BBOF1: variants seen among roughly 807,000 people sequenced by gnomAD.
BBOF1 encodes basal body orientation factor 1, also known as basal body-orientation factor 1.
In BBOF1, 62 loss-of-function variants were observed where a neutral mutation model predicts 68.0. The observed-to-expected ratio is 0.91, with a 90% CI of 0.74 to 1.13. BBOF1 has a LOEUF of 1.13. Ranked by LOEUF, BBOF1 falls within the 50% of genes most tolerant of loss-of-function variation. The probability of loss-of-function intolerance (pLI) is 0.00; values close to 1 mark genes in which losing one functional copy is unlikely to be tolerated. For missense variants in BBOF1, 534 were observed against 600.1 expected (o/e 0.89, Z 1.15); for synonymous variants, 208 against 198.8 (o/e 1.05, Z -0.39).
At chr14:74,075,580 C>A (rs1468509) in intron 9 of BBOF1, among the ~76,000 whole-genome samples, 8 of 151,492 alleles carry the variant, frequency 5.3e-5, no homozygotes, top group African/African-American at 1.5e-4. Flanking sequence ...TTGCTTCAGC[C>A]CGGGAGGGTG....
chr14:74,064,190 C>T (rs1450607557), intron 11 of BBOF1, among the ~76,000 whole-genome samples: 2 of 144,932 alleles, frequency 1.4e-5, no homozygotes, highest in African/African-American at 5.1e-5. Context: ...CCCAGCTATT[C>T]GGGAGGCTGA....
At chr14:74,047,702 G>T (rs866837314) in intron 6 of BBOF1, among the ~76,000 whole-genome samples, 11 of 152,216 alleles carry the variant, frequency 7.2e-5, no homozygotes, top group Middle Eastern at 3.4e-3. Flanking sequence ...GCCTCTCAAA[G>T]TGCTGGGATT....
intron 3 of BBOF1, among the ~76,000 whole-genome samples, chr14:74,029,537 C>G (rs985411484): frequency 4.6e-5 from 7 of 152,008 alleles, no homozygotes; most frequent in African/African-American, 1.7e-4. Context: ...TAAAAATTAG[C>G]CAGGCATGGT....
At chr14:74,032,717 CTCCTGACCTCGTGA>C (rs1411640737) in intron 3 of BBOF1, among the ~76,000 whole-genome samples, 1 of 151,824 alleles carries the variant, frequency 6.6e-6, no homozygotes, top group Non-Finnish European at 1.5e-5. Flanking sequence ...TGGTCTTGAA[CTCCTGACCTCGTGA>C]TCCACCCGCC....
chr14:74,049,837 G>C lies in BBOF1; in HGVS notation c.928G>C (p.Val310Leu). Reference sequence around the variant, plus strand: ...CATGACCAAAGAGTTTGAGAGTGAAGTTTTAAAACTGCAGCAACACGCAAT... The same window carrying C: ...CATGACCAAAGAGTTTGAGAGTGAACTTTTAAAACTGCAGCAACACGCAAT... ...SYMTKEFESE[V>L]LKLQQHAMIE... The change falls in exon 8 of 12, where the codon GTT becomes CTT. Residue 310 changes from valine to leucine, a missense_variant. Physicochemically the swap from Val to Leu is conservative, Grantham distance 32. Coordinates refer to ENST00000394009, the MANE Select transcript of BBOF1 (RefSeq NM_025057.3). 1 of 1,614,198 alleles carries C rather than the reference G, an allele frequency of 6.2e-7. No individual in the cohort carries two copies. Among genetic ancestry groups the C allele is most frequent in the Non-Finnish European group, 8.5e-7 (1 of 1,180,042 alleles).
At chr14:74,054,855 A>G in intron 8 of BBOF1, 1 of 160,088 alleles carries the variant, frequency 6.2e-6, no homozygotes, top group Non-Finnish European at 1.3e-5. Context: ...ATTTTTGTAT[A>G]TTTAGTAGAG....
downstream of BBOF1, chr14:74,070,702 C>A: frequency 5.5e-6 from 1 of 181,358 alleles, no homozygotes; most frequent in Non-Finnish European, 1.2e-5. Flanking sequence ...TAATTAATTT[C>A]ACTATGTCTC....
chr14:74,072,972 GTATT>G (rs1464274673), intron 9 of BBOF1, among the ~76,000 whole-genome samples: 1 of 152,088 alleles, frequency 6.6e-6, no homozygotes, highest in Non-Finnish European at 1.5e-5. Flanking sequence ...ACTAATTTTT[GTATT>G]TTGAGTAGAG....
At position 74,047,985 on chromosome 14, in the gene BBOF1, G is replaced by T; in HGVS notation, c.703G>T (p.Ala235Ser). 1 of 1,612,926 alleles carries T rather than the reference G, an allele frequency of 6.2e-7. No individual in the cohort carries two copies. The highest frequency in any genetic ancestry group is 8.5e-7 in the Non-Finnish European group (1 of 1,179,452). The part of the protein sequence containing the change: ...VFKENDYLQK[A>S]LAYHLKETDA... The stretch of plus-strand genomic sequence containing the variant: ...TAAAGAGAATGATTATCTTCAGAAA[G>T]CTCTGGCATATCACCTGAAGGAAAC... Residue 235 changes from alanine to serine, a missense_variant, in exon 7 of 12, where the codon GCT becomes TCT. Transcript: ENST00000394009.
chr14:74,042,358 T>G (rs2059841866), intron 5 of BBOF1, among the ~76,000 whole-genome samples: 1 of 152,218 alleles, frequency 6.6e-6, no homozygotes, highest in African/African-American at 2.4e-5. Context: ...CCTCTCCTAT[T>G]CCACCCTAAT....
downstream of BBOF1, among the ~76,000 whole-genome samples, chr14:74,070,052 G>A (rs2060527909): frequency 6.6e-6 from 1 of 151,612 alleles, no homozygotes; most frequent in East Asian, 2.0e-4. Context: ...CATGGCCCAG[G>A]CTGGTCTCGA....
At chr14:74,079,427 T>C (rs892059959) in intron 10 of BBOF1, among the ~76,000 whole-genome samples, 3 of 139,548 alleles carry the variant, frequency 2.1e-5, no homozygotes, top group East Asian at 2.3e-4. Flanking sequence ...TTTTTTCTTA[T>C]TGTTTTTTTT....
At position 74,075,152 on chromosome 14, in the gene BBOF1, G is replaced by A. The variant is rs576505549; in HGVS notation, n.1380-3044G>A. On this transcript the variant is annotated intron_variant and non_coding_transcript_variant, in intron 9 of 12. Coordinates refer to the BBOF1 transcript ENST00000492026. ...TCTCAAAGGCCATACAGTCATTAAAGAGAAAAGATATGAATCTATGACACA... is the reference window on the plus strand; with the variant it reads ...TCTCAAAGGCCATACAGTCATTAAAAAGAAAAGATATGAATCTATGACACA... The A allele has an allele frequency of 1.3e-4, 98 of 750,690 alleles. 2 individuals are homozygous for A. In the African/African-American group the frequency reaches 1.3e-3, roughly 10 times the overall value. 46.5% of individuals were successfully genotyped at this position (750,690 alleles called of 1,614,324 possible). A position where few individuals can be genotyped will look rare whatever the true frequency, so the allele number is the denominator to read the frequency against.
chr14:74,068,931 C>A, downstream of BBOF1: 1 of 1,613,832 alleles, frequency 6.2e-7, no homozygotes, highest in Non-Finnish European at 8.5e-7. Flanking sequence ...TTGTTGGATC[C>A]CACAAAGCTG....
intron 12 of BBOF1, among the ~76,000 whole-genome samples, chr14:74,081,801 A>G (rs1002462389): frequency 6.6e-6 from 1 of 152,202 alleles, no homozygotes; most frequent in Non-Finnish European, 1.5e-5. Flanking sequence ...AGCCTATGTC[A>G]GTGCCTAACA....
intron 11 of BBOF1, chr14:74,060,158 C>T (rs1219056149): frequency 1.9e-5 from 3 of 155,876 alleles, no homozygotes; most frequent in Admixed American, 6.2e-5. Flanking sequence ...TTTTTTTTCC[C>T]TTTTCTTTTT....
intron 9 of BBOF1, among the ~76,000 whole-genome samples, chr14:74,072,813 T>C (rs2060568988): frequency 6.6e-6 from 1 of 152,210 alleles, no homozygotes; most frequent in Non-Finnish European, 1.5e-5. Flanking sequence ...TATTTTTTTT[T>C]TGAGACAGAG....
intron 4 of BBOF1, among the ~76,000 whole-genome samples, chr14:74,036,169 C>T (rs1322360109): frequency 6.6e-6 from 1 of 152,008 alleles, no homozygotes; most frequent in Non-Finnish European, 1.5e-5. Context: ...GATTTTGGTG[C>T]CTCAGCCTCC....
At chr14:74,080,366 T>TCC (rs2060658343) in intron 10 of BBOF1, among the ~76,000 whole-genome samples, 1 of 108,946 alleles carries the variant, frequency 9.2e-6, no homozygotes, top group South Asian at 4.0e-4. Flanking sequence ...GTTAAACTCT[T>TCC]TCTTTTTTTT....
Sources: allele counts gnomAD v4.1 joint callset (sites outside exome capture counted in the v4.1 genomes callset), GRCh38; gene constraint gnomAD v4.1.1; transcripts MANE v1.5; gene names NCBI Gene and HGNC (gene_info 2026-07-23, HGNC 2026-07-21).